Variants in TG observed in about 807,000 individuals in gnomAD.
The protein encoded by TG is thyroid hormones.
Under a neutral mutation model 324.7 loss-of-function variants are expected in TG, and 270 were observed. The ratio of observed to expected loss-of-function variants is 0.83; its 90% CI spans 0.75 to 0.92. TG has a LOEUF of 0.92. TG is among the 40% of genes least tolerant of loss of function. The pLI is 0.00. For synonymous variants in TG, 1,401 were observed against 1,327.0 expected, an observed-to-expected ratio of 1.06 and a Z score of -1.21; for missense variants, 3,591 against 3,456.4, an observed-to-expected ratio of 1.04 and a Z score of -0.98.
intron 27 of TG, among the ~76,000 whole-genome samples, chr8:132,953,516 T>C (rs876902): frequency 0.3 from 45,896 of 152,090 alleles, 9,208 homozygotes; most frequent in African/African-American, 0.56. Context: ...CATATCCTTT[T>C]CTGTTTGGTA....
rs200431848 is a variant in TG at position 132,967,867 on chromosome 8, C to A, written c.5760C>A (p.Thr1920=). The A allele has an allele frequency of 1.2e-6, 2 of 1,613,880 alleles. No individual in the cohort carries two copies. Among genetic ancestry groups the A allele is most frequent in the Non-Finnish European group, 1.7e-6 (2 of 1,179,954 alleles). ...GTGCATCCTTGTACTTCACCTGCACCCTCTACCCAGAGGCACAGGTGTGTG... is the reference window on the plus strand; with the variant it reads ...GTGCATCCTTGTACTTCACCTGCACACTCTACCCAGAGGCACAGGTGTGTG... ...TESASLYFTC[T]LYPEAQVCDD... Residue 1920 remains threonine, a synonymous_variant, in exon 31 of 48, where the codon ACC becomes ACA. Coordinates refer to ENST00000220616, the MANE Select transcript of TG (RefSeq NM_003235.5).
At chr8:133,077,818 G>A (rs1020045084) in intron 41 of TG, among the ~76,000 whole-genome samples, 1 of 151,710 alleles carries the variant, frequency 6.6e-6, no homozygotes, top group African/African-American at 2.4e-5. Context: ...TGCATTGGAG[G>A]ATGTGCCACA....
At position 132,929,137 on chromosome 8, in the gene TG, G is replaced by T; in HGVS notation, c.4761G>T (p.Val1587=). The T allele has an allele frequency of 6.2e-7, 1 of 1,614,116 alleles. No individual in the cohort carries two copies. The highest frequency in any genetic ancestry group is 8.5e-7 in the Non-Finnish European group (1 of 1,180,028). Residue 1587 remains valine, a synonymous_variant, in exon 23 of 48, where the codon GTG becomes GTT. Transcript: ENST00000220616. ...SKVIFDANAP[V]AVRSKVPDSE... ...TGATCTTCGACGCCAATGCTCCTGT[G>T]GCTGTCAGATCCAAAGTTCCTGATT...
intron 30 of TG, among the ~76,000 whole-genome samples, chr8:132,967,041 T>TCCAC (rs1564014553): frequency 6.3e-5 from 5 of 78,874 alleles, no homozygotes; most frequent in African/African-American, 5.3e-4. Context: ...CATCCACCCA[T>TCCAC]CCATCCATCC....
intron 44 of TG, 71 bp from the exon 45 acceptor site, chr8:133,116,538 A>G (rs1850707052): frequency 6.9e-7 from 1 of 1,440,924 alleles, no homozygotes; most frequent in Non-Finnish European, 9.8e-7. Context: ...TGCTGGGAGA[A>G]GCCCTTTCCA....
intron 5 of TG, among the ~76,000 whole-genome samples, chr8:132,878,943 T>G (rs1045982455): frequency 2.0e-5 from 3 of 152,214 alleles, no homozygotes; most frequent in African/African-American, 7.2e-5. Flanking sequence ...TCTCCAGCTT[T>G]CATCAGGGCT....
intron 34 of TG, among the ~76,000 whole-genome samples, chr8:132,976,174 G>A (rs2130604060): frequency 6.6e-6 from 1 of 152,312 alleles, no homozygotes; most frequent in African/African-American, 2.4e-5. Context: ...AGTCCGTTTT[G>A]TGCTGCTATA....
chr8:133,119,340 T>C (rs1850956096), intron 45 of TG, among the ~76,000 whole-genome samples: 1 of 152,212 alleles, frequency 6.6e-6, no homozygotes, highest in African/African-American at 2.4e-5. Flanking sequence ...TGGTTACCTC[T>C]GTTTTACAGA....
intron 35 of TG, chr8:133,002,676 TTC>T: frequency 4.3e-6 from 1 of 232,434 alleles, no homozygotes. Context: ...CACAGTGCGC[TTC>T]TCTGCGTGGA....
intron 41 of TG, among the ~76,000 whole-genome samples, chr8:133,061,050 C>T (rs187025026): frequency 1.3e-5 from 2 of 152,212 alleles, no homozygotes; most frequent in Admixed American, 1.3e-4. Flanking sequence ...CTCACTCTGT[C>T]GCCTAGGTTG....
intron 41 of TG, among the ~76,000 whole-genome samples, chr8:133,033,190 A>T (rs750118722): frequency 6.6e-6 from 1 of 152,240 alleles, no homozygotes. Flanking sequence ...GATGAATTGT[A>T]TTTCCCAAGG....
intron 39 of TG, 38 bp downstream of exon 39, chr8:133,019,733 C>A (rs372195691): frequency 7.1e-6 from 11 of 1,558,612 alleles, no homozygotes; most frequent in South Asian, 2.2e-5. Context: ...GCCCTGAAGA[C>A]TGTCCCATTA....
At chr8:133,080,193 A>G (rs1790010453) in intron 41 of TG, among the ~76,000 whole-genome samples, 1 of 152,204 alleles carries the variant, frequency 6.6e-6, no homozygotes, top group Non-Finnish European at 1.5e-5. Flanking sequence ...AACTGGTACA[A>G]AAGTTTGGGG....
At chr8:133,089,380 A>G (rs1847140729) in intron 41 of TG, among the ~76,000 whole-genome samples, 1 of 152,172 alleles carries the variant, frequency 6.6e-6, no homozygotes, top group Non-Finnish European at 1.5e-5. Context: ...CCTGCTGAGC[A>G]CTACCAACCA....
chr8:133,047,518 T>C (rs952814758), intron 41 of TG: 7 of 376,604 alleles, frequency 1.9e-5, no homozygotes, highest in African/African-American at 1.5e-4. Context: ...ACATTCTATC[T>C]GCACAGCATG....
At chr8:132,923,770 G>A (rs1821434914) in intron 22 of TG, among the ~76,000 whole-genome samples, 1 of 152,084 alleles carries the variant, frequency 6.6e-6, no homozygotes, top group South Asian at 2.1e-4. Context: ...TTACTTCTAA[G>A]TACTTCAGCA....
At chr8:132,924,050 A>G (rs1213983415) in intron 22 of TG, among the ~76,000 whole-genome samples, 1 of 152,148 alleles carries the variant, frequency 6.6e-6, no homozygotes, top group East Asian at 1.9e-4. Context: ...GTAATATATA[A>G]TGAAATAATT....
Position 133,082,729 on chromosome 8 carries a change from G to T in TG, c.7240-12315G>T, listed in dbSNP as rs534772288. 2.6e-5 allele frequency among the ~76,000 whole-genome samples: 4 copies of T among 152,338 alleles called. No individual in the cohort carries two copies. The South Asian group carries it at 8.3e-4, about 32-fold the overall frequency. On this transcript the variant is annotated intron_variant, in intron 41 of 47. Coordinates refer to ENST00000220616, the MANE Select transcript of TG (RefSeq NM_003235.5). ...TAAGTGTGCTTGAACAGCACAAAATGACGGTAGGATCTGTAACAGCATTAT... is the reference window on the plus strand; with the variant it reads ...TAAGTGTGCTTGAACAGCACAAAATTACGGTAGGATCTGTAACAGCATTAT...
Position 132,967,937 on chromosome 8 carries a change from C to T in TG, c.5830C>T (p.Pro1944Ser). ...SNAQGCRLILPQMPKALFRKK... is the reference protein window; with the variant it reads ...SNAQGCRLILSQMPKALFRKK... ...TGCCCAGGGCTGCAGACTGATCCTGCCTCAGATGCCAAAGGCCCTGTTCCG... is the reference window on the plus strand; with the variant it reads ...TGCCCAGGGCTGCAGACTGATCCTGTCTCAGATGCCAAAGGCCCTGTTCCG... Residue 1944 changes from proline to serine, a missense_variant, in exon 31 of 48, where the codon CCT becomes TCT. Physicochemically the swap from Pro to Ser is moderately conservative, Grantham distance 74. Coordinates refer to ENST00000220616, the MANE Select transcript of TG (RefSeq NM_003235.5). 3.7e-6 allele frequency: 6 copies of T among 1,613,840 alleles called. No individual in the cohort carries two copies. The highest frequency in any genetic ancestry group is 5.1e-6 in the Non-Finnish European group (6 of 1,179,888).
Sources: allele counts gnomAD v4.1 joint callset (sites outside exome capture counted in the v4.1 genomes callset), GRCh38; gene constraint gnomAD v4.1.1; transcripts MANE v1.5; gene names NCBI Gene and HGNC (gene_info 2026-07-23, HGNC 2026-07-21).